Variants in NFE2L3 observed in about 807,000 individuals in gnomAD.
The protein encoded by NFE2L3 is NFE2 like bZIP transcription factor 3.
Under a neutral mutation model 23.5 loss-of-function variants are expected in NFE2L3, and 18 were observed. That is an observed-to-expected ratio of 0.77 (90% CI 0.53 to 1.13). The LOEUF (loss-of-function observed/expected upper bound fraction) is 1.13. NFE2L3 is among the 50% of genes most tolerant of loss of function. The probability of loss-of-function intolerance (pLI) is 0.00; values close to 1 mark genes in which losing one functional copy is unlikely to be tolerated. For missense variants in NFE2L3, 1,152 were observed against 877.2 expected (o/e 1.31, Z -3.96); for synonymous variants, 424 against 354.5 (o/e 1.20, Z -2.20).
At chr7:26,177,606 G>GAGGGAGGA (rs201942885) in intron 1 of NFE2L3, among the ~76,000 whole-genome samples, 2 of 152,218 alleles carry the variant, frequency 1.3e-5, no homozygotes, top group African/African-American at 4.8e-5. Context: ...AGGAGGGAAG[G>GAGGGAGGA]AGGGAGGAAG....
chr7:26,183,800 G>T lies in NFE2L3; in HGVS notation c.834+16G>T. 6.4e-7 allele frequency: 1 copy of T among 1,567,056 alleles called. No individual in the cohort carries two copies. The highest frequency in any genetic ancestry group is 8.8e-7 in the Non-Finnish European group (1 of 1,137,110). ...TTCACTGGAGGTAATTGGAACTTTG[G>T]CTTTTATCCTCGCAGGAACATATCT... On this transcript the variant is annotated intron_variant, in intron 3 of 3. Coordinates refer to ENST00000056233, the MANE Select transcript of NFE2L3 (RefSeq NM_004289.7).
At chr7:26,170,880 C>CA (rs964745191) in intron 1 of NFE2L3, among the ~76,000 whole-genome samples, 2 of 152,072 alleles carry the variant, frequency 1.3e-5, no homozygotes, top group Admixed American at 6.6e-5. Flanking sequence ...GGCAAAACAG[C>CA]AAGACCCTTA....
chr7:26,153,171 G>A (rs927989157), intron 1 of NFE2L3, 103 bp downstream of exon 1: 13 of 1,180,990 alleles, frequency 1.1e-5, no homozygotes, highest in Middle Eastern at 2.9e-4. Flanking sequence ...CTGTGTCCTG[G>A]CACCCTTAGC....
At chr7:26,164,164 A>G (rs1209344172) in intron 1 of NFE2L3, among the ~76,000 whole-genome samples, 1 of 152,234 alleles carries the variant, frequency 6.6e-6, no homozygotes, top group African/African-American at 2.4e-5. Flanking sequence ...TCCTTTGGGT[A>G]TATACCCAGT....
At chr7:26,167,553 C>T (rs569398017) in intron 1 of NFE2L3, among the ~76,000 whole-genome samples, 5 of 152,074 alleles carry the variant, frequency 3.3e-5, no homozygotes, top group Non-Finnish European at 5.9e-5. Context: ...TTGTCCCAGC[C>T]CCACAAGGGT....
chr7:26,160,866 T>G (rs1784155876), intron 1 of NFE2L3, among the ~76,000 whole-genome samples: 2 of 152,348 alleles, frequency 1.3e-5, no homozygotes, highest in South Asian at 4.1e-4. Flanking sequence ...CACCTCTTCC[T>G]GGGAAACCAT....
chr7:26,183,649 C>A, intron 2 of NFE2L3, 52 bp from the exon 3 acceptor site: 1 of 1,134,258 alleles, frequency 8.8e-7, no homozygotes, highest in Admixed American at 1.7e-5. Flanking sequence ...CCTAAAGCCC[C>A]AACCAGTTCA....
rs573894149 is a variant in NFE2L3, at chr7:26,157,043, C to T, written c.570+3975C>T. On this transcript the variant is annotated intron_variant, in intron 1 of 3. Transcript: ENST00000056233. ...AAGAGACTCGCTTGAACCTGGGAGG[C>T]GGAGGGTGCAGTGAGCCGAGATCGC... 1.3e-4 allele frequency among the ~76,000 whole-genome samples: 20 copies of T among 151,890 alleles called. No homozygotes were observed. The South Asian group carries it at 2.3e-3, about 17-fold the overall frequency.
At chr7:26,164,401 T>A (rs977585845) in intron 1 of NFE2L3, among the ~76,000 whole-genome samples, 1 of 152,262 alleles carries the variant, frequency 6.6e-6, no homozygotes, top group Non-Finnish European at 1.5e-5. Context: ...ATTTCTCTGA[T>A]GGCCAGTGAT....
At chr7:26,170,130 T>C (rs1302404488) in intron 1 of NFE2L3, among the ~76,000 whole-genome samples, 1 of 152,130 alleles carries the variant, frequency 6.6e-6, no homozygotes, top group Non-Finnish European at 1.5e-5. Flanking sequence ...AATTATACGG[T>C]CACTTATTCA....
intron 1 of NFE2L3, among the ~76,000 whole-genome samples, chr7:26,157,524 A>G (rs550935952): frequency 8.5e-5 from 13 of 152,282 alleles, no homozygotes; most frequent in African/African-American, 2.6e-4. Context: ...ATTTCAGAAT[A>G]AAAAATAGTC....
chr7:26,184,482 C>T, intron 3 of NFE2L3, 51 bp from the exon 4 acceptor site: 1 of 1,516,258 alleles, frequency 6.6e-7, no homozygotes. Flanking sequence ...AATAGAACTG[C>T]TTCAGAAATA....
In NFE2L3 at chr7:26,185,313, G is replaced by C. The variant is rs776910174; in HGVS notation, c.1615G>C (p.Glu539Gln). ...CACAGATAGAAACTTGAGCCGTGATGAACAGCGTGCTAAAGCTTTGCATAT... is the reference window on the plus strand; with the variant it reads ...CACAGATAGAAACTTGAGCCGTGATCAACAGCGTGCTAAAGCTTTGCATAT... ...EDTDRNLSRD[E>Q]QRAKALHIPF... The change falls in exon 4 of 4, where the codon GAA becomes CAA. Residue 539 changes from glutamate to glutamine, a missense_variant. Physicochemically the swap from Glu to Gln is conservative, Grantham distance 29. Transcript: ENST00000056233. The C allele has an allele frequency of 1.1e-5, 17 of 1,613,986 alleles. No homozygotes were observed. The highest frequency in any genetic ancestry group is 1.0e-4 in the Admixed American group (6 of 60,006).
In NFE2L3 at chr7:26,185,364, G is replaced by T; in HGVS notation, c.1666G>T (p.Gly556Cys). 2 of 1,614,052 alleles carry T rather than the reference G, an allele frequency of 1.2e-6. No individual in the cohort carries two copies. The highest frequency in any genetic ancestry group is 1.1e-5 in the South Asian group (1 of 91,058). Residue 556 changes from glycine to cysteine, a missense_variant, in exon 4 of 4, where the codon GGC becomes TGC. Physicochemically the swap from Gly to Cys is radical, Grantham distance 159. Transcript: ENST00000056233. ...HIPFSVDEIV[G>C]MPVDSFNSML... ...CCCTTTTTCTGTAGATGAAATTGTCGGCATGCCTGTTGATTCTTTCAATAG... is the reference window on the plus strand; with the variant it reads ...CCCTTTTTCTGTAGATGAAATTGTCTGCATGCCTGTTGATTCTTTCAATAG...
chr7:26,185,422 A>G lies in NFE2L3; in HGVS notation c.1724A>G (p.Gln575Arg). ...MLSRYYLTDLQVSLIRDIRRR... is the reference protein window; with the variant it reads ...MLSRYYLTDLRVSLIRDIRRR... Reference sequence around the variant, plus strand: ...AGTAGATATTATCTGACAGACCTACAAGTCTCACTTATCCGTGACATCAGA... The same window carrying G: ...AGTAGATATTATCTGACAGACCTACGAGTCTCACTTATCCGTGACATCAGA... Residue 575 changes from glutamine to arginine, a missense_variant, in exon 4 of 4, where the codon CAA (glutamine) becomes CGA (arginine). Coordinates refer to ENST00000056233, the MANE Select transcript of NFE2L3 (RefSeq NM_004289.7). 1 of 1,614,154 alleles carries G rather than the reference A, an allele frequency of 6.2e-7. No individual in the cohort carries two copies. Among genetic ancestry groups the G allele is most frequent in the Non-Finnish European group, 8.5e-7 (1 of 1,179,990 alleles).
Position 26,153,076 on chromosome 7 carries a change from C to T in NFE2L3, c.570+8C>T. 6.6e-7 allele frequency: 1 copy of T among 1,522,334 alleles called. No homozygotes were observed. Among genetic ancestry groups the T allele is most frequent in the Non-Finnish European group, 8.8e-7 (1 of 1,139,074 alleles). 94.3% of individuals were successfully genotyped at this position (1,522,334 alleles called of 1,614,324 possible). On this transcript the variant is annotated splice_region_variant and intron_variant, in intron 1 of 3. Coordinates refer to ENST00000056233, the MANE Select transcript of NFE2L3 (RefSeq NM_004289.7). ...GGCGGATGTGCGAGCGAGGTAGGTG[C>T]AGAGCGGGAAGCGAGCGAAGTGCGG... is the stretch of plus-strand genomic sequence containing the variant.
chr7:26,182,451 C>T (rs1280133933), intron 2 of NFE2L3, among the ~76,000 whole-genome samples: 1 of 144,416 alleles, frequency 6.9e-6, no homozygotes, highest in Non-Finnish European at 1.5e-5. Flanking sequence ...TGGCAAAACG[C>T]CAGCTCTACT....
rs570784176 is a variant in NFE2L3, at chr7:26,184,542, T to C, written c.844T>C (p.Leu282=). The C allele has an allele frequency of 5.9e-5, 95 of 1,610,130 alleles. No individual in the cohort carries two copies. In the South Asian group the frequency reaches 7.9e-4, roughly 13 times the overall value. ...QPENSLEGIS[L]GDIPLPGSIS... ...CTCCTTCGTTTTTCAGGGCATCTCA[T>C]TGGGAGATATTCCTCTTCCAGGCAG... The change falls in exon 4 of 4, where the codon TTG becomes CTG. Residue 282 remains leucine, a synonymous_variant. Transcript: ENST00000056233.
chr7:26,161,492 A>G (rs1784173168), intron 1 of NFE2L3, among the ~76,000 whole-genome samples: 1 of 151,892 alleles, frequency 6.6e-6, no homozygotes, highest in African/African-American at 2.4e-5. Flanking sequence ...GGCTGAATGA[A>G]TACCTCTGGA....
Sources: gnomAD v4.1 joint callset for allele counts (sites outside exome capture counted in the v4.1 genomes callset) on GRCh38, gnomAD v4.1.1 for gene constraint, MANE v1.5 for transcripts, NCBI Gene and HGNC (gene_info 2026-07-23, HGNC 2026-07-21) for gene names.